ABCA10: variants seen among roughly 807,000 people sequenced by gnomAD.
ABCA10 encodes the protein ATP-binding cassette sub-family A member 10.
A neutral mutation model predicts 187.5 loss-of-function variants in ABCA10; 169 were observed. That is an observed-to-expected ratio of 0.90 (90% confidence interval 0.80 to 1.02). ABCA10 has a LOEUF of 1.02. Among genes scored for constraint, ABCA10 ranks in the 50% least tolerant of loss-of-function variants. The probability of loss-of-function intolerance (pLI) is 0.00; values close to 1 mark genes in which losing one functional copy is unlikely to be tolerated. For missense variants in ABCA10, 1,727 were observed against 1,812.4 expected, an observed-to-expected ratio of 0.95 and a Z score of 0.86; for synonymous variants, 574 against 601.8, an observed-to-expected ratio of 0.95 and a Z score of 0.68.
intron 3 of ABCA10, among the ~76,000 whole-genome samples, chr17:69,223,292 G>C (rs1412759628): frequency 1.3e-5 from 2 of 151,964 alleles, no homozygotes; most frequent in East Asian, 3.9e-4. Context: ...CATGAAAATA[G>C]TACACTAGAG....
chr17:69,191,318 A>G lies in ABCA10; in HGVS notation c.1872-3T>C, dbSNP rs879244287. The G allele has an allele frequency of 2.0e-6, 3 of 1,534,778 alleles. No individual in the cohort carries two copies. The African/African-American group carries it at 4.1e-5, about 21-fold the overall frequency. On this transcript the variant is annotated splice_region_variant and splice_polypyrimidine_tract_variant and intron_variant, in intron 16 of 38. Coordinates refer to ENST00000690296, the MANE Select transcript of ABCA10 (RefSeq NM_001377321.1). ...CACACATTTCATTCCTGTGTAAACT[A>G]TTATTTCAAAAGAGCCATAAGTCTC...
At chr17:69,161,883 G>T (rs1045968148) in intron 27 of ABCA10, among the ~76,000 whole-genome samples, 1 of 152,202 alleles carries the variant, frequency 6.6e-6, no homozygotes, top group Non-Finnish European at 1.5e-5. Context: ...AAAGAAATTA[G>T]CAACTTACAG....
intron 29 of ABCA10, 46 bp from the exon 30 acceptor site, chr17:69,155,182 C>T (rs761868194): frequency 1.3e-5 from 19 of 1,414,456 alleles, no homozygotes; most frequent in East Asian, 2.3e-5. Context: ...ATTTCAGATA[C>T]TTTACGAATT....
chr17:69,186,761 G>C (rs989292249), intron 19 of ABCA10, among the ~76,000 whole-genome samples: 2 of 152,060 alleles, frequency 1.3e-5, no homozygotes, highest in Non-Finnish European at 2.9e-5. Flanking sequence ...TCCAACTCCT[G>C]TCATCCCTCC....
intron 25 of ABCA10, among the ~76,000 whole-genome samples, chr17:69,171,997 T>C (rs1206345583): frequency 6.8e-6 from 1 of 148,144 alleles, no homozygotes; most frequent in Non-Finnish European, 1.5e-5. Flanking sequence ...AATCCAAGTA[T>C]GAATAGTGAA....
intron 9 of ABCA10, among the ~76,000 whole-genome samples, chr17:69,212,371 T>C (rs927301478): frequency 6.6e-6 from 1 of 152,190 alleles, no homozygotes; most frequent in African/African-American, 2.4e-5. Context: ...TTATTGAGAC[T>C]TGTTTTGTTG....
chr17:69,221,796 ATAATTGCAGCAT>A lies in ABCA10; in HGVS notation c.287_298del (p.Asn96_Ile99del). 1 of 1,607,386 alleles carries A rather than the reference ATAATTGCAGCAT, an allele frequency of 6.2e-7. No individual in the cohort carries two copies. Among genetic ancestry groups the A allele is most frequent in the Non-Finnish European group, 8.5e-7 (1 of 1,177,304 alleles). ...GCTTTGAAGTTAGGCACTTACTTCT[ATAATTGCAGCAT>A]TAATTGCAGCTTGAAAAGCTACAAA... On this transcript the variant is annotated inframe_deletion, in exon 5 of 39. Coordinates refer to ENST00000690296, the MANE Select transcript of ABCA10 (RefSeq NM_001377321.1).
rs747534422 is a variant in ABCA10 at position 69,201,679 on chromosome 17, A to G, written c.1007-11T>C. On this transcript the variant is annotated splice_polypyrimidine_tract_variant and intron_variant, in intron 9 of 38. Transcript: ENST00000690296. ...CATGGCCATCTTTATCTAATTAATT[A>G]AGATACAATTACATATTGCATCAAT... 6.3e-7 allele frequency: 1 copy of G among 1,582,248 alleles called. No homozygotes were observed. Among genetic ancestry groups the G allele is most frequent in the Admixed American group, 1.8e-5 (1 of 55,226 alleles).
At chr17:69,174,859 AT>A in intron 23 of ABCA10, 82 bp from the exon 24 acceptor site, 1 of 1,270,028 alleles carries the variant, frequency 7.9e-7, no homozygotes, top group Non-Finnish European at 1.1e-6. Flanking sequence ...TGTTTAATAA[AT>A]TTTAGAAATA....
intron 27 of ABCA10, among the ~76,000 whole-genome samples, chr17:69,162,838 CATATATATAT>C: frequency 8.3e-6 from 1 of 120,838 alleles, no homozygotes; most frequent in African/African-American, 3.7e-5. Flanking sequence ...TATACATATA[CATATATATAT>C]ATATATATGA....
In ABCA10 at chr17:69,182,270, C is replaced by T. The variant is rs375537071; in HGVS notation, c.2652G>A (p.Ala884=). 37 of 1,564,030 alleles carry T rather than the reference C, an allele frequency of 2.4e-5. No homozygotes were observed. Among genetic ancestry groups the T allele is most frequent in the Admixed American group, 3.7e-5 (2 of 54,538 alleles). Residue 884 remains alanine (A), a synonymous_variant, in exon 22 of 39, where the codon GCG becomes GCA. Transcript: ENST00000690296. The stretch of plus-strand genomic sequence containing the variant: ...AACAATTCAATTTCTTGGTATTACA[C>T]GCAACAGAAAATCTGTAATCCTTGA... ...GDQKDYRFSV[A]CNTKKLNCFP...
chr17:69,223,425 T>C (rs1245614113), intron 3 of ABCA10, among the ~76,000 whole-genome samples: 1 of 152,070 alleles, frequency 6.6e-6, no homozygotes, highest in Non-Finnish European at 1.5e-5. Flanking sequence ...AATGAATGAG[T>C]TTACAATCTG....
At chr17:69,193,291 T>C in intron 14 of ABCA10, 43 bp from the exon 15 acceptor site, 2 of 1,596,962 alleles carry the variant, frequency 1.3e-6, no homozygotes. Context: ...CTCTTCACAG[T>C]GAGGATCTTC....
chr17:69,230,870 C>A (rs1447639780), upstream of ABCA10, among the ~76,000 whole-genome samples: 2 of 152,104 alleles, frequency 1.3e-5, no homozygotes, highest in East Asian at 3.8e-4. Flanking sequence ...TTGTTAATTT[C>A]TATTACAATC....
At chr17:69,222,437 C>G (rs2074756401) in intron 4 of ABCA10, 96 bp downstream of exon 4, 1 of 1,031,320 alleles carries the variant, frequency 9.7e-7, no homozygotes, top group South Asian at 2.1e-5. Context: ...TATATTAATT[C>G]TTTACTTGGT....
intron 9 of ABCA10, among the ~76,000 whole-genome samples, chr17:69,202,298 T>C (rs1208312396): frequency 2.0e-5 from 3 of 152,150 alleles, no homozygotes; most frequent in African/African-American, 7.2e-5. Context: ...GATCCTGCCA[T>C]AGCATATGAA....
intron 37 of ABCA10, 30 bp downstream of exon 37, chr17:69,149,954 A>C: frequency 6.7e-7 from 1 of 1,500,702 alleles, no homozygotes; most frequent in Non-Finnish European, 9.2e-7. Flanking sequence ...ACCAATACAT[A>C]AAGTCTTATT....
intron 3 of ABCA10, chr17:69,223,765 C>T: frequency 2.7e-6 from 1 of 369,636 alleles, no homozygotes. Flanking sequence ...TGCTAAAAAG[C>T]AAGAGTTAGA....
intron 9 of ABCA10, among the ~76,000 whole-genome samples, chr17:69,208,855 A>C (rs759088749): frequency 3.3e-5 from 5 of 152,056 alleles, no homozygotes; most frequent in Non-Finnish European, 2.9e-5. Flanking sequence ...TGGGCAACGT[A>C]GCAAGACCCC....
Sources: allele counts gnomAD v4.1 joint callset (sites outside exome capture counted in the v4.1 genomes callset), GRCh38; gene constraint gnomAD v4.1.1; transcripts MANE v1.5; gene names NCBI Gene and HGNC (gene_info 2026-07-23, HGNC 2026-07-21).